Variants in TMEFF2 observed in about 807,000 individuals in gnomAD.
TMEFF2 encodes the protein transmembrane protein with EGF like and two follistatin like domains 2, also known as tomoregulin-2.
TMEFF2 carries 28 observed loss-of-function variants against 53.8 expected under a neutral mutation model. That is an observed-to-expected ratio of 0.52 (90% CI 0.39 to 0.71). TMEFF2 has a LOEUF of 0.71. Among genes scored for constraint, TMEFF2 ranks in the 30% least tolerant of loss-of-function variants. The pLI is 0.00. For missense variants in TMEFF2, 353 were observed against 455.2 expected, an observed-to-expected ratio of 0.78 and a Z score of 2.04; for synonymous variants, 162 against 166.3, an observed-to-expected ratio of 0.97 and a Z score of 0.20.
intron 4 of TMEFF2, among the ~76,000 whole-genome samples, chr2:192,154,520 G>T (rs950488955): frequency 1.3e-5 from 2 of 151,932 alleles, no homozygotes; most frequent in Admixed American, 1.3e-4. Flanking sequence ...TGGTGCTTGT[G>T]TCTCCAATAA....
intron 9 of TMEFF2, among the ~76,000 whole-genome samples, chr2:191,952,573 C>G (rs914085851): frequency 4.6e-5 from 7 of 152,000 alleles, no homozygotes; most frequent in Admixed American, 4.6e-4. Flanking sequence ...ACGTGAGAGT[C>G]GAGTTGATGA....
chr2:192,048,523 G>A (rs1294750296), intron 5 of TMEFF2, among the ~76,000 whole-genome samples: 2 of 151,428 alleles, frequency 1.3e-5, no homozygotes, highest in Non-Finnish European at 2.9e-5. Context: ...TAGAAAAAAT[G>A]TAAAACCCAT....
intron 5 of TMEFF2, among the ~76,000 whole-genome samples, chr2:192,055,483 T>C (rs372011613): frequency 1.4e-4 from 22 of 152,174 alleles, no homozygotes; most frequent in African/African-American, 5.3e-4. Context: ...TTAAAAACCA[T>C]ACATTTGTTG....
chr2:192,156,979 CTT>C (rs1690520879), intron 4 of TMEFF2, among the ~76,000 whole-genome samples: 1 of 151,906 alleles, frequency 6.6e-6, no homozygotes. Context: ...CCCAATTTTT[CTT>C]TAACATAATT....
chr2:191,995,984 T>C (rs1290546143), intron 7 of TMEFF2, among the ~76,000 whole-genome samples: 1 of 151,784 alleles, frequency 6.6e-6, no homozygotes, highest in Non-Finnish European at 1.5e-5. Context: ...ATTAAAAATG[T>C]ATTTTTTTCT....
chr2:192,003,736 C>CAA (rs1247850986), intron 5 of TMEFF2, among the ~76,000 whole-genome samples: 1 of 152,130 alleles, frequency 6.6e-6, no homozygotes, highest in Non-Finnish European at 1.5e-5. Flanking sequence ...CACGCAAATA[C>CAA]ACATACACAC....
chr2:192,049,134 A>G (rs1328970649), intron 5 of TMEFF2, among the ~76,000 whole-genome samples: 1 of 137,360 alleles, frequency 7.3e-6, no homozygotes, highest in East Asian at 2.2e-4. Flanking sequence ...TGAATATATA[A>G]GATAGATACA....
At chr2:192,131,969 T>C (rs1355874676) in intron 4 of TMEFF2, among the ~76,000 whole-genome samples, 3 of 152,014 alleles carry the variant, frequency 2.0e-5, no homozygotes, top group East Asian at 1.9e-4. Flanking sequence ...ATCAGTCCCT[T>C]CCTAGTCTCT....
At chr2:192,152,379 A>G (rs919644134) in intron 4 of TMEFF2, among the ~76,000 whole-genome samples, 7 of 151,926 alleles carry the variant, frequency 4.6e-5, no homozygotes, top group African/African-American at 1.4e-4. Flanking sequence ...AAAATTACCT[A>G]ATATGATTGC....
chr2:191,952,617 G>C (rs1458224566), intron 9 of TMEFF2, among the ~76,000 whole-genome samples: 1 of 152,136 alleles, frequency 6.6e-6, no homozygotes, highest in Non-Finnish European at 1.5e-5. Context: ...CAAAGCTTTA[G>C]TCAATGACCT....
At chr2:192,008,325 A>G (rs1009040355) in intron 5 of TMEFF2, among the ~76,000 whole-genome samples, 3 of 152,098 alleles carry the variant, frequency 2.0e-5, no homozygotes, top group Non-Finnish European at 2.9e-5. Flanking sequence ...TTCAGTGCAT[A>G]TGATAGATGG....
intron 4 of TMEFF2, among the ~76,000 whole-genome samples, chr2:192,153,144 AGTTT>A (rs1690428135): frequency 6.6e-6 from 1 of 151,560 alleles, no homozygotes; most frequent in African/African-American, 2.4e-5. Context: ...TCTAAGAGTT[AGTTT>A]ATTTGCTTAA....
At chr2:191,992,432 C>A (rs1686128776) in intron 7 of TMEFF2, among the ~76,000 whole-genome samples, 1 of 152,002 alleles carries the variant, frequency 6.6e-6, no homozygotes, top group African/African-American at 2.4e-5. Context: ...ATAATCAAGG[C>A]AAATATTAGG....
intron 5 of TMEFF2, among the ~76,000 whole-genome samples, chr2:192,019,539 A>G (rs1156550425): frequency 6.6e-6 from 1 of 152,104 alleles, no homozygotes; most frequent in African/African-American, 2.4e-5. Context: ...AATAATGTTA[A>G]TGTAAAAATA....
intron 7 of TMEFF2, among the ~76,000 whole-genome samples, chr2:191,964,263 T>TC (rs1692358658): frequency 7.7e-4 from 3 of 3,900 alleles, no homozygotes; most frequent in Non-Finnish European, 0.017. Flanking sequence ...CTTCCTCCTT[T>TC]CTTTTCTTTT....
At chr2:192,039,053 C>T (rs925050318) in intron 5 of TMEFF2, among the ~76,000 whole-genome samples, 3 of 152,102 alleles carry the variant, frequency 2.0e-5, no homozygotes, top group Non-Finnish European at 4.4e-5. Context: ...CCGCCCCCCC[C>T]ATCTAACTTA....
chr2:192,122,286 G>A (rs924212035), intron 4 of TMEFF2, among the ~76,000 whole-genome samples: 2 of 152,010 alleles, frequency 1.3e-5, no homozygotes, highest in Non-Finnish European at 2.9e-5. Flanking sequence ...GCTAAAAAAA[G>A]GTACTTAGTA....
At chr2:192,192,294 T>TA (rs1013508241) in intron 1 of TMEFF2, among the ~76,000 whole-genome samples, 9 of 152,260 alleles carry the variant, frequency 5.9e-5, no homozygotes, top group Admixed American at 4.6e-4. Context: ...CTTCCTGTTT[T>TA]TTTTTTATTT....
intron 2 of TMEFF2, among the ~76,000 whole-genome samples, chr2:192,190,129 A>G (rs992969963): frequency 2.0e-5 from 3 of 152,194 alleles, no homozygotes; most frequent in Non-Finnish European, 4.4e-5. Flanking sequence ...TGGCACCTAT[A>G]AAATGAAAAC....
Sources: allele counts gnomAD v4.1 joint callset (sites outside exome capture counted in the v4.1 genomes callset), GRCh38; gene constraint gnomAD v4.1.1; transcripts MANE v1.5; gene names NCBI Gene and HGNC (gene_info 2026-07-23, HGNC 2026-07-21).